Variants in LTF observed in about 807,000 individuals in gnomAD.
The protein encoded by LTF is lactotransferrin, also known as epididymis luminal protein 110.
LTF carries 91 observed loss-of-function variants against 87.2 expected under a neutral mutation model. The observed-to-expected ratio is 1.04, with a 90% confidence interval of 0.88 to 1.24. The LOEUF is 1.24. Among genes scored for constraint, LTF ranks in the 50% most tolerant of loss-of-function variants. The pLI, the probability that LTF is intolerant of heterozygous loss-of-function variation, is 0.00. For synonymous variants in LTF, 378 were observed against 356.1 expected (o/e 1.06, Z -0.69); for missense variants, 901 against 904.3 (o/e 1.00, Z 0.05).
chr3:46,463,674 C>T, intron 1 of LTF: 1 of 984,812 alleles, frequency 1.0e-6, no homozygotes, highest in South Asian at 4.7e-5. Context: ...TCCTGGACCA[C>T]AGCCCATGAC....
chr3:46,468,253 C>T (rs753998960), upstream of LTF: 4 of 456,772 alleles, frequency 8.8e-6, no homozygotes, highest in South Asian at 6.2e-5. Context: ...TTAACTTACC[C>T]ATTCATTCAA....
At chr3:46,452,264 G>A (rs1559600380) in intron 6 of LTF, among the ~76,000 whole-genome samples, 1 of 152,046 alleles carries the variant, frequency 6.6e-6, no homozygotes, top group Non-Finnish European at 1.5e-5. Flanking sequence ...TGTTACAATA[G>A]CAACTAAAAC....
chr3:46,450,709 A>C, intron 6 of LTF, 36 bp from the exon 7 acceptor site: 1 of 1,562,180 alleles, frequency 6.4e-7, no homozygotes, highest in Non-Finnish European at 8.8e-7. Context: ...AGTCTAGATA[A>C]GCCGACTCCA....
chr3:46,458,208 T>G (rs1702988285), intron 2 of LTF, among the ~76,000 whole-genome samples: 1 of 152,252 alleles, frequency 6.6e-6, no homozygotes. Context: ...TTACATTTTC[T>G]GTATTTTAGA....
intron 1 of LTF, among the ~76,000 whole-genome samples, chr3:46,473,729 T>G: frequency 6.6e-6 from 1 of 152,186 alleles, no homozygotes; most frequent in East Asian, 1.9e-4. Flanking sequence ...GCCTCCCTCC[T>G]GTAAGAACTG....
At chr3:46,462,324 G>C (rs1440177004) in intron 1 of LTF, among the ~76,000 whole-genome samples, 1 of 143,388 alleles carries the variant, frequency 7.0e-6, no homozygotes, top group East Asian at 1.9e-4. Context: ...ACAAATACCA[G>C]CTAATGGAGA....
chr3:46,451,789 T>G (rs1702809840), intron 6 of LTF, among the ~76,000 whole-genome samples: 2 of 152,144 alleles, frequency 1.3e-5, no homozygotes, highest in African/African-American at 4.8e-5. Context: ...GAGATGGGGT[T>G]TCACCATGTT....
At chr3:46,471,339 C>T (rs1184905323) in intron 1 of LTF, among the ~76,000 whole-genome samples, 2 of 152,152 alleles carry the variant, frequency 1.3e-5, no homozygotes, top group African/African-American at 4.8e-5. Context: ...TCTCTATTTC[C>T]CTCTCTGCCT....
At chr3:46,463,917 A>G (rs999328535) in intron 1 of LTF, among the ~76,000 whole-genome samples, 3 of 152,162 alleles carry the variant, frequency 2.0e-5, no homozygotes, top group Non-Finnish European at 4.4e-5. Flanking sequence ...GCTGCTCTCT[A>G]TCCACCGCCA....
At position 46,450,614 on chromosome 3, in the gene LTF, G is replaced by A. The variant is rs376106456; in HGVS notation, c.763C>T (p.Arg255Trp). Reference sequence around the variant, plus strand: ...TCTTTGAACTTGTCCACTGGCTTCCGAGTGTTGTCTGGGCAGAGTAACTCA... The same window carrying A: ...TCTTTGAACTTGTCCACTGGCTTCCAAGTGTTGTCTGGGCAGAGTAACTCA... ...EYELLCPDNT[R>W]KPVDKFKDCH... The change falls in exon 7 of 17, where the codon CGG (arginine) becomes TGG (tryptophan). Residue 255 changes from arginine (R) to tryptophan (W), a missense_variant. Coordinates refer to ENST00000231751, the MANE Select transcript of LTF (RefSeq NM_002343.6). 3.4e-5 allele frequency: 55 copies of A among 1,614,070 alleles called. 1 individual carries two copies. The Admixed American group carries it at 6.2e-4, about 18-fold the overall frequency.
chr3:46,444,621 C>T (rs557146683), intron 12 of LTF, among the ~76,000 whole-genome samples: 2 of 152,318 alleles, frequency 1.3e-5, no homozygotes, highest in African/African-American at 2.4e-5. Context: ...AGCAGAGCCA[C>T]GTGAAAGCTG....
chr3:46,459,533 C>A, intron 2 of LTF, 123 bp downstream of exon 2: 1 of 943,388 alleles, frequency 1.1e-6, no homozygotes, highest in Admixed American at 3.6e-5. Flanking sequence ...GAGAGGACGG[C>A]TCCCCACTTC....
At chr3:46,467,091 G>A (rs1575325738), upstream of LTF, among the ~76,000 whole-genome samples, 4 of 152,210 alleles carry the variant, frequency 2.6e-5, no homozygotes, top group South Asian at 8.3e-4. Flanking sequence ...CCCAGCCCCA[G>A]GGCAGGGATG....
At chr3:46,482,041 T>C (rs776120763) in intron 1 of LTF, among the ~76,000 whole-genome samples, 4 of 152,014 alleles carry the variant, frequency 2.6e-5, no homozygotes, top group Non-Finnish European at 5.9e-5. Flanking sequence ...GACATAAGCA[T>C]TTTTTTTCAT....
chr3:46,463,630 A>G, intron 1 of LTF: 1 of 985,496 alleles, frequency 1.0e-6, no homozygotes, highest in Non-Finnish European at 1.2e-6. Flanking sequence ...ATCCAAGTGA[A>G]TATAAAACCC....
chr3:46,469,816 G>A (rs576230804), upstream of LTF, among the ~76,000 whole-genome samples: 7 of 152,200 alleles, frequency 4.6e-5, no homozygotes, highest in Non-Finnish European at 7.3e-5. Flanking sequence ...CAGGAGGGAA[G>A]ATCTGCTGAA....
rs780461964 is a variant in LTF, at chr3:46,439,483, G to C, written c.1724-3C>G. The C allele has an allele frequency of 1.9e-6, 3 of 1,597,192 alleles. No homozygotes were observed. The highest frequency in any genetic ancestry group is 1.7e-4 in the Middle Eastern group (1 of 5,972). ...AGCCCATGCCTCATTGTTATTTCCTGGGGAGAAAAAGAAGGTGGCATCATC... is the reference window on the plus strand; with the variant it reads ...AGCCCATGCCTCATTGTTATTTCCTCGGGAGAAAAAGAAGGTGGCATCATC... On this transcript the variant is annotated splice_region_variant and splice_polypyrimidine_tract_variant and intron_variant, in intron 14 of 16. Coordinates refer to ENST00000231751, the MANE Select transcript of LTF (RefSeq NM_002343.6).
Position 46,439,404 on chromosome 3 carries a change from C to A in LTF, c.1800G>T (p.Lys600Asn), listed in dbSNP as rs777999029. The A allele has an allele frequency of 5.6e-6, 9 of 1,614,250 alleles. No homozygotes were observed. The highest frequency in any genetic ancestry group is 4.2e-6 in the Non-Finnish European group (5 of 1,180,038). Reference sequence around the variant, plus strand: ...GGCAGCTTCTAGCCTCAGTCACAGGCTTCCGTTTGCCATCGAGGCACAGCA... The same window carrying A: ...GGCAGCTTCTAGCCTCAGTCACAGGATTCCGTTTGCCATCGAGGCACAGCA... ...FALLCLDGKR[K>N]PVTEARSCHL... is the part of the protein sequence containing the mutation. Residue 600 changes from lysine to asparagine, a missense_variant, in exon 15 of 17, where the codon AAG (lysine) becomes AAT (asparagine). Transcript: ENST00000231751.
At chr3:46,463,622 C>G in intron 1 of LTF, 1 of 985,518 alleles carries the variant, frequency 1.0e-6, no homozygotes, top group Non-Finnish European at 1.2e-6. Context: ...AACTAAAGAT[C>G]CAAGTGAATA....
Sources: allele counts gnomAD v4.1 joint callset (sites outside exome capture counted in the v4.1 genomes callset), GRCh38; gene constraint gnomAD v4.1.1; transcripts MANE v1.5; gene names NCBI Gene and HGNC (gene_info 2026-07-23, HGNC 2026-07-21).